SP140: variants seen among roughly 807,000 people sequenced by gnomAD.
The protein encoded by SP140 is nuclear body protein SP140.
SP140 carries 81 observed loss-of-function variants against 125.0 expected under a neutral mutation model. The ratio of observed to expected loss-of-function variants is 0.65; its 90% confidence interval spans 0.54 to 0.78. SP140 has a LOEUF of 0.78. Ranked by LOEUF, SP140 falls within the 30% of genes least tolerant of loss-of-function variation. SP140 has a pLI of 0.00. For missense variants in SP140, 858 were observed against 1,037.0 expected (o/e 0.83, Z 2.37); for synonymous variants, 312 against 354.0 (o/e 0.88, Z 1.33).
chr2:230,219,931 C>G lies in SP140; in HGVS notation c.-90-5824C>G, dbSNP rs554976318. ...CCAGGGGCTGGGACAGGGATCACTCCTCAAGATTGGGAGAGTTACAGGGAG... is the reference window on the plus strand; with the variant it reads ...CCAGGGGCTGGGACAGGGATCACTCGTCAAGATTGGGAGAGTTACAGGGAG... On this transcript the variant is annotated intron_variant, in intron 3 of 4. Coordinates refer to the SP140 transcript ENST00000456542. 3.0e-6 allele frequency: 3 copies of G among 985,580 alleles called. No homozygotes were observed. The African/African-American group carries it at 5.2e-5, about 17-fold the overall frequency. 61.1% of individuals were successfully genotyped at this position (985,580 alleles called of 1,614,324 possible).
intron 15 of SP140, among the ~76,000 whole-genome samples, chr2:230,282,309 G>A (rs559665979): frequency 1.3e-5 from 2 of 152,220 alleles, no homozygotes; most frequent in African/African-American, 2.4e-5. Context: ...TAGCTTCCAA[G>A]GCCGCTTTGG....
intron 4 of SP140, among the ~76,000 whole-genome samples, chr2:230,242,260 A>G (rs1013213514): frequency 1.9e-5 from 2 of 106,716 alleles, no homozygotes; most frequent in Admixed American, 8.1e-5. Context: ...TAAGAAAAAA[A>G]GGGTGTAAAA....
At chr2:230,255,360 T>C in intron 11 of SP140, 92 bp from the exon 12 acceptor site, 2 of 1,469,188 alleles carry the variant, frequency 1.4e-6, no homozygotes, top group Admixed American at 1.7e-5. Flanking sequence ...TGAGAGATAC[T>C]TCAGCTTTCC....
At chr2:230,213,106 C>A (rs1388218420) in intron 1 of SP140, 1 of 1,398,682 alleles carries the variant, frequency 7.1e-7, no homozygotes, top group African/African-American at 1.4e-5. Context: ...TAATACATGC[C>A]TTCCAATAGG....
At chr2:230,195,885 C>T in the SP140 span, among the ~76,000 whole-genome samples, 3 of 151,878 alleles carry the variant, frequency 2.0e-5, no homozygotes, top group African/African-American at 7.3e-5. Context: ...AGGTTAATAT[C>T]CTTATTAGAT....
At chr2:230,223,968 C>T (rs1368785510), upstream of SP140, among the ~76,000 whole-genome samples, 2 of 152,206 alleles carry the variant, frequency 1.3e-5, no homozygotes, top group Non-Finnish European at 2.9e-5. Context: ...TAAAGGAAGA[C>T]ATTGGGAACC....
rs190203435 is a variant in SP140 at position 230,298,822 on chromosome 2, A to T, written c.2058+1360A>T. 3.7e-4 allele frequency among the ~76,000 whole-genome samples: 56 copies of T among 152,346 alleles called. 1 individual carries two copies. Among genetic ancestry groups the T allele is most frequent in the African/African-American group, 1.2e-3 (51 of 41,578 alleles). ...CTGGACTATGTATGACTGGAACATTAGGATTTGTTTAAGATCCCCAGATGT... is the reference window on the plus strand; with the variant it reads ...CTGGACTATGTATGACTGGAACATTTGGATTTGTTTAAGATCCCCAGATGT... On this transcript the variant is annotated intron_variant, in intron 22 of 26. Transcript: ENST00000392045.
chr2:230,246,795 G>T (rs993769170), intron 7 of SP140, among the ~76,000 whole-genome samples: 1 of 152,128 alleles, frequency 6.6e-6, no homozygotes, highest in South Asian at 2.1e-4. Flanking sequence ...GGAATTAAAA[G>T]GTGGAGAAAA....
chr2:230,247,629 C>A lies in SP140; in HGVS notation c.743-287C>A, dbSNP rs1026103825. 3.9e-5 allele frequency among the ~76,000 whole-genome samples: 6 copies of A among 152,210 alleles called. No homozygotes were observed. The East Asian group carries it at 1.2e-3, about 29-fold the overall frequency. ...ATTGAAGTTGGCTTATCTTACATTT[C>A]TACTTTAAATCAATAACTACTTGGG... On this transcript the variant is annotated intron_variant, in intron 7 of 26. Coordinates refer to ENST00000392045, the MANE Select transcript of SP140 (RefSeq NM_007237.5).
intron 9 of SP140, 51 bp downstream of exon 9, chr2:230,249,019 T>C (rs1263169924): frequency 6.8e-7 from 1 of 1,472,942 alleles, no homozygotes; most frequent in Non-Finnish European, 9.5e-7. Flanking sequence ...TGTTTTCTAG[T>C]TGGCATGGAA....
chr2:230,295,926 T>C (rs1191025204), intron 21 of SP140, among the ~76,000 whole-genome samples: 1 of 152,184 alleles, frequency 6.6e-6, no homozygotes, highest in Non-Finnish European at 1.5e-5. Context: ...CCAATGGACA[T>C]TACAGAAGAT....
At chr2:230,216,387 A>G (rs2045177280) in intron 3 of SP140, among the ~76,000 whole-genome samples, 1 of 152,222 alleles carries the variant, frequency 6.6e-6, no homozygotes, top group African/African-American at 2.4e-5. Context: ...AGAGTGATGC[A>G]TCTACAAGGC....
chr2:230,288,109 A>G (rs2056626441), intron 18 of SP140, 143 bp downstream of exon 18: 1 of 684,272 alleles, frequency 1.5e-6, no homozygotes, highest in Admixed American at 3.7e-5. Flanking sequence ...CTATTTAGTC[A>G]TTTTCCAAAA....
intron 1 of SP140, among the ~76,000 whole-genome samples, chr2:230,206,595 T>TTATATATATATATATATATATATA (rs56817002): frequency 1.8e-4 from 13 of 70,526 alleles, no homozygotes; most frequent in East Asian, 1.6e-3. Flanking sequence ...GGTCCAGATT[T>TTATATATATATATATATATATATA]TATATATATA....
chr2:230,277,023 G>A (rs1156606936), intron 15 of SP140, among the ~76,000 whole-genome samples: 2 of 152,116 alleles, frequency 1.3e-5, no homozygotes, highest in Non-Finnish European at 2.9e-5. Context: ...TCTTGAGATG[G>A]AATTTATACC....
At chr2:230,202,131 G>C (rs2043245315), upstream of SP140, among the ~76,000 whole-genome samples, 2 of 151,994 alleles carry the variant, frequency 1.3e-5, no homozygotes, top group Admixed American at 1.3e-4. Context: ...TTTTGTTTTA[G>C]AAAATATATT....
At chr2:230,220,078 G>T in intron 3 of SP140, 29 of 985,566 alleles carry the variant, frequency 2.9e-5, no homozygotes, top group Non-Finnish European at 3.3e-5. Context: ...GCAGGTCGGT[G>T]CCTGCAGCCT....
chr2:230,284,136 GTCTC>G (rs1044733893), intron 15 of SP140, among the ~76,000 whole-genome samples: 2 of 152,100 alleles, frequency 1.3e-5, no homozygotes, highest in Non-Finnish European at 2.9e-5. Context: ...ATCTCCTGTA[GTCTC>G]TCCCAAGCCC....
downstream of SP140, among the ~76,000 whole-genome samples, chr2:230,313,789 G>A (rs1331350882): frequency 2.0e-5 from 3 of 152,208 alleles, no homozygotes; most frequent in Admixed American, 6.5e-5. Flanking sequence ...CTATCACTGA[G>A]CAGTTGCCCA....
Sources: gnomAD v4.1 joint callset for allele counts (sites outside exome capture counted in the v4.1 genomes callset) on GRCh38, gnomAD v4.1.1 for gene constraint, MANE v1.5 for transcripts, NCBI Gene and HGNC (gene_info 2026-07-23, HGNC 2026-07-21) for gene names.